Variants in POU4F3 observed in about 807,000 individuals in gnomAD.
POU4F3 encodes the protein POU domain, class 4, transcription factor 3.
POU4F3 carries 7 observed loss-of-function variants against 22.0 expected under a neutral mutation model. The ratio of observed to expected loss-of-function variants is 0.32; its 90% CI spans 0.18 to 0.60. POU4F3 has a LOEUF of 0.60. Ranked by LOEUF, POU4F3 falls within the 20% of genes least tolerant of loss-of-function variation. POU4F3 has a pLI of 0.85. For missense variants in POU4F3, 457 were observed against 467.4 expected (o/e 0.98, Z 0.21); for synonymous variants, 220 against 194.5 (o/e 1.13, Z -1.09).
chr5:146,340,458 C>T lies in POU4F3; in HGVS notation c.*14C>T. The T allele has an allele frequency of 6.2e-7, 1 of 1,613,678 alleles. No individual in the cohort carries two copies. The highest frequency in any genetic ancestry group is 1.1e-5 in the South Asian group (1 of 91,068). ...GCTGTCCACTGATTGCGGCAGGGCG[C>T]AGCGTCGGGAGCCGGGAGAGCCTAG... On this transcript the variant is annotated 3_prime_UTR_variant, in exon 2 of 2. Transcript: ENST00000646991.
rs1317925104 is a variant in POU4F3 at position 146,341,709 on chromosome 5, GC to G, written c.*1266del. 3.9e-5 allele frequency: 6 copies of G among 152,084 alleles called. No individual in the cohort carries two copies. Among genetic ancestry groups the G allele is most frequent in the Non-Finnish European group, 8.8e-5 (6 of 68,020 alleles). 9.4% of individuals were successfully genotyped at this position (152,084 alleles called of 1,614,324 possible). ...CCTTGAATTAACTTCTAAAATAAATGCTTTATTTTTCAACCCGAATCAAAGT... is the reference window on the plus strand; with the variant it reads ...CCTTGAATTAACTTCTAAAATAAATGTTTATTTTTCAACCCGAATCAAAGT... On this transcript the variant is annotated 3_prime_UTR_variant, in exon 2 of 2. Transcript: ENST00000646991.
Position 146,339,851 on chromosome 5 carries a change from G to T in POU4F3, c.424G>T (p.Ala142Ser). ...CGCTCCGGAACACTCGGTGATGCCC[G>T]CACAGATCCATCCACACCACCTGGG... is the stretch of plus-strand genomic sequence containing the variant. ...LGAPEHSVMP[A>S]QIHPHHLGAM... Residue 142 changes from alanine (A) to serine (S), a missense_variant, in exon 2 of 2, where the codon GCA becomes TCA. Around this residue, in one of 2 missense-constraint regions of POU4F3, gnomAD observed 410 missense variants for 385.0 expected, o/e 1.06. Transcript: ENST00000646991. This position sits in a 1 kb window ranked among gnomAD's most constrained non-coding sequence, Gnocchi z 4.7. 1.9e-6 allele frequency: 3 copies of T among 1,608,240 alleles called. No individual in the cohort carries two copies. Among genetic ancestry groups the T allele is most frequent in the East Asian group, 2.2e-5 (1 of 44,868 alleles).
At position 146,339,747 on chromosome 5, in the gene POU4F3, C is replaced by T; in HGVS notation, c.320C>T (p.Pro107Leu). The change falls in exon 2 of 2, where the codon CCT becomes CTT. Residue 107 changes from proline (P) to leucine (L), a missense_variant. Pro to Leu is a moderately conservative substitution (Grantham distance 98, BLOSUM62 -3). This residue lies in a region of POU4F3 where 410 missense variants were observed against 385.0 expected (regional missense o/e 1.06). Transcript: ENST00000646991. The surrounding 1 kb of genome is among the most constrained non-coding windows in gnomAD (Gnocchi z 4.7). ...CACCCAGCTGCGCTCACCTCACACC[C>T]TCACCACGCCGTGCACCAGGGCCTC... ...ISHPAALTSH[P>L]HHAVHQGLEG... 1.9e-6 allele frequency: 3 copies of T among 1,613,908 alleles called. No individual in the cohort carries two copies. Among genetic ancestry groups the T allele is most frequent in the Non-Finnish European group, 2.5e-6 (3 of 1,180,026 alleles).
Position 146,339,752 on chromosome 5 carries a change from C to A in POU4F3, c.325C>A (p.His109Asn). The A allele has an allele frequency of 6.2e-7, 1 of 1,613,798 alleles. No individual in the cohort carries two copies. Among genetic ancestry groups the A allele is most frequent in the Non-Finnish European group, 8.5e-7 (1 of 1,180,026 alleles). ...HPAALTSHPH[H>N]AVHQGLEGDL... The stretch of plus-strand genomic sequence containing the variant: ...AGCTGCGCTCACCTCACACCCTCAC[C>A]ACGCCGTGCACCAGGGCCTCGAAGG... The change falls in exon 2 of 2, where the codon CAC becomes AAC. Residue 109 changes from histidine to asparagine, a missense_variant. His to Asn is a moderately conservative substitution (Grantham distance 68, BLOSUM62 1). This residue lies in a region of POU4F3 where 410 missense variants were observed against 385.0 expected (regional missense o/e 1.06). Transcript: ENST00000646991. The surrounding 1 kb of genome is among the most constrained non-coding windows in gnomAD (Gnocchi z 4.7).
At position 146,339,365 on chromosome 5, in the gene POU4F3, G is replaced by GGC; in HGVS notation, c.120+138_120+139dup. ...CCTTGTCTCCCCCGCGTTCTCTCCCGGCGCGCTCTCTCTCTCATTCATGTC... is the reference window on the plus strand; with the variant it reads ...CCTTGTCTCCCCCGCGTTCTCTCCCGGCGCGCGCTCTCTCTCTCATTCATGTC... On this transcript the variant is annotated intron_variant, in intron 1 of 1. Transcript: ENST00000646991. This position sits in a 1 kb window ranked among gnomAD's most constrained non-coding sequence, Gnocchi z 4.7. 1 of 1,520,182 alleles carries GGC rather than the reference G, an allele frequency of 6.6e-7. No individual in the cohort carries two copies. Among genetic ancestry groups the GGC allele is most frequent in the African/African-American group, 1.4e-5 (1 of 72,942 alleles). The allele number at this position is 1,520,182 out of a possible 1,614,324, so 94.2% of individuals were successfully genotyped here. A position where few individuals can be genotyped will look rare whatever the true frequency, so the allele number is the denominator to read the frequency against.
chr5:146,340,136 T>C lies in POU4F3; in HGVS notation c.709T>C (p.Ser237Pro). 6.2e-7 allele frequency: 1 copy of C among 1,614,140 alleles called. No individual in the cohort carries two copies. The highest frequency in any genetic ancestry group is 8.5e-7 in the Non-Finnish European group (1 of 1,180,026). The change falls in exon 2 of 2, where the codon TCG becomes CCG. Residue 237 changes from serine to proline, a missense_variant. Physicochemically the swap from Ser to Pro is moderately conservative, Grantham distance 74. Transcript: ENST00000646991. ...TICRFESLTLSHNNMIALKPV... is the reference protein window; with the variant it reads ...TICRFESLTLPHNNMIALKPV... ...CTGCAGGTTCGAGTCTCTCACTCTC[T>C]CGCACAACAACATGATCGCTCTCAA...
Position 146,338,919 on chromosome 5 carries a change from G to A in POU4F3, c.-194G>A. On this transcript the variant is annotated 5_prime_UTR_variant, in exon 1 of 2. Transcript: ENST00000646991. ...CTGCGAGTCCCCGGCGCGTGAGCAC[G>A]CCTGCGCGCGCCCGGGCCCTTCCTG... The A allele has an allele frequency of 2.2e-6, 2 of 891,828 alleles. No homozygotes were observed. The highest frequency in any genetic ancestry group is 5.3e-5 in the East Asian group (2 of 37,720). 55.2% of individuals were successfully genotyped at this position (891,828 alleles called of 1,614,324 possible). A position where few individuals can be genotyped will look rare whatever the true frequency, so the allele number is the denominator to read the frequency against.
chr5:146,340,057 G>A lies in POU4F3; in HGVS notation c.630G>A (p.Ala210=), dbSNP rs776399582. Residue 210 remains alanine (A), a synonymous_variant, in exon 2 of 2, where the codon GCG becomes GCA. Transcript: ENST00000646991. The part of the protein sequence containing the change: ...KLGVTQADVG[A]ALANLKIPGV... ...GGGTGACCCAGGCGGACGTGGGCGC[G>A]GCTCTGGCTAATCTCAAGATCCCCG... 2.5e-6 allele frequency: 4 copies of A among 1,614,118 alleles called. No individual in the cohort carries two copies. Among genetic ancestry groups the A allele is most frequent in the African/African-American group, 2.7e-5 (2 of 75,046 alleles).
chr5:146,339,656 G>A lies in POU4F3; in HGVS notation c.229G>A (p.Asp77Asn). Residue 77 changes from aspartate to asparagine, a missense_variant, in exon 2 of 2, where the codon GAC (aspartate) becomes AAC (asparagine). By Grantham distance (23) the Asp-to-Asn change is conservative. Around this residue, in one of 2 missense-constraint regions of POU4F3, gnomAD observed 410 missense variants for 385.0 expected, o/e 1.06. Transcript: ENST00000646991. The surrounding 1 kb of genome is among the most constrained non-coding windows in gnomAD (Gnocchi z 4.7). ...CGGCAAGAACCATCCGTTCAAGCCCGACGCCACCTACCATACCATGAGCAG... is the reference window on the plus strand; with the variant it reads ...CGGCAAGAACCATCCGTTCAAGCCCAACGCCACCTACCATACCATGAGCAG... ...SHGKNHPFKP[D>N]ATYHTMSSVP... is the part of the protein sequence containing the mutation. 3 of 1,614,174 alleles carry A rather than the reference G, an allele frequency of 1.9e-6. No homozygotes were observed. The highest frequency in any genetic ancestry group is 2.5e-6 in the Non-Finnish European group (3 of 1,180,028).
rs1581277399 is a variant in POU4F3 at position 146,338,842 on chromosome 5, C to G, written c.-271C>G. 1.6e-6 allele frequency: 1 copy of G among 612,692 alleles called. No homozygotes were observed. The highest frequency in any genetic ancestry group is 2.7e-5 in the East Asian group (1 of 36,386). The allele number at this position is 612,692 out of a possible 1,614,324, so 38.0% of individuals were successfully genotyped here. ...CTGTGGAGGGGGCGGCCGCCGCGGG[C>G]GCAGAAAGGCGCGCCGCTAGCTGCT... On this transcript the variant is annotated 5_prime_UTR_variant, in exon 1 of 2. Coordinates refer to ENST00000646991, the MANE Select transcript of POU4F3 (RefSeq NM_002700.3).
rs149975083 is a variant in POU4F3 at position 146,340,219 on chromosome 5, C to T, written c.792C>T (p.Ser264=). 2.4e-4 allele frequency: 382 copies of T among 1,614,232 alleles called. 3 individuals are homozygous for T. The East Asian group carries it at 7.5e-3, about 32-fold the overall frequency. Residue 264 remains serine (S), a synonymous_variant, in exon 2 of 2, where the codon AGC becomes AGT. Coordinates refer to ENST00000646991, the MANE Select transcript of POU4F3 (RefSeq NM_002700.3). ...EAEAAYREKN[S]KPELFNGSER... ...AGGCCGCCTACCGAGAGAAGAACAGCAAGCCAGAGCTCTTCAACGGCAGCG... is the reference window on the plus strand; with the variant it reads ...AGGCCGCCTACCGAGAGAAGAACAGTAAGCCAGAGCTCTTCAACGGCAGCG...
chr5:146,341,018 T>C lies in POU4F3; in HGVS notation c.*574T>C, dbSNP rs1429815836. ...TTATCCTTTGGTTTGGCGTAAATTC[T>C]CATAAGGTAGCATGAAGATTAGGTT... On this transcript the variant is annotated 3_prime_UTR_variant, in exon 2 of 2. Transcript: ENST00000646991. The C allele has an allele frequency of 6.3e-6, 1 of 158,614 alleles. No individual in the cohort carries two copies. The highest frequency in any genetic ancestry group is 1.4e-5 in the Non-Finnish European group (1 of 71,830). The allele number at this position is 158,614 out of a possible 1,614,324, so 9.8% of individuals were successfully genotyped here. A position where few individuals can be genotyped will look rare whatever the true frequency, so the allele number is the denominator to read the frequency against.
chr5:146,340,518 G>A lies in POU4F3; in HGVS notation c.*74G>A. The A allele has an allele frequency of 6.3e-7, 1 of 1,588,754 alleles. No homozygotes were observed. Among genetic ancestry groups the A allele is most frequent in the Non-Finnish European group, 8.6e-7 (1 of 1,164,702 alleles). On this transcript the variant is annotated 3_prime_UTR_variant, in exon 2 of 2. Coordinates refer to ENST00000646991, the MANE Select transcript of POU4F3 (RefSeq NM_002700.3). ...CTCCCGGGTTCGGGGGATGGTTATC[G>A]GGAACTCCAAGGCGTTTCCTAGGCA... is the stretch of plus-strand genomic sequence containing the variant.
Position 146,339,803 on chromosome 5 carries a change from A to G in POU4F3, c.376A>G (p.Thr126Ala). ...CGACCTGCTGGAGCACATCTCGCCC[A>G]CGCTGAGTGTGAGCGGCCTGGGCGC... ...EGDLLEHISP[T>A]LSVSGLGAPE... The change falls in exon 2 of 2, where the codon ACG becomes GCG. Residue 126 changes from threonine to alanine, a missense_variant. By Grantham distance (58) the Thr-to-Ala change is moderately conservative. Around this residue, in one of 2 missense-constraint regions of POU4F3, gnomAD observed 410 missense variants for 385.0 expected, o/e 1.06. Coordinates refer to ENST00000646991, the MANE Select transcript of POU4F3 (RefSeq NM_002700.3). The surrounding 1 kb of genome is among the most constrained non-coding windows in gnomAD (Gnocchi z 4.7). The G allele has an allele frequency of 6.2e-7, 1 of 1,611,246 alleles. No homozygotes were observed. Among genetic ancestry groups the G allele is most frequent in the Non-Finnish European group, 8.5e-7 (1 of 1,179,894 alleles).
Position 146,340,117 on chromosome 5 carries a change from G to T in POU4F3, c.690G>T (p.Arg230Ser), listed in dbSNP as rs781045522. The T allele has an allele frequency of 1.9e-6, 3 of 1,614,176 alleles. No homozygotes were observed. Among genetic ancestry groups the T allele is most frequent in the Non-Finnish European group, 2.5e-6 (3 of 1,180,036 alleles). Residue 230 changes from arginine (R) to serine (S), a missense_variant, in exon 2 of 2, where the codon AGG (arginine) becomes AGT (serine). Transcript: ENST00000646991. ...CGCTGAGCCAAAGCACCATCTGCAGGTTCGAGTCTCTCACTCTCTCGCACA... is the reference window on the plus strand; with the variant it reads ...CGCTGAGCCAAAGCACCATCTGCAGTTTCGAGTCTCTCACTCTCTCGCACA... ...VGSLSQSTICRFESLTLSHNN... is the reference protein window; with the variant it reads ...VGSLSQSTICSFESLTLSHNN...
Position 146,339,734 on chromosome 5 carries a change from C to G in POU4F3, c.307C>G (p.Leu103Val). ...STVPISHPAA[L>V]TSHPHHAVHQ... The stretch of plus-strand genomic sequence containing the variant: ...CGTGCCCATCTCCCACCCAGCTGCG[C>G]TCACCTCACACCCTCACCACGCCGT... Residue 103 changes from leucine to valine, a missense_variant, in exon 2 of 2, where the codon CTC becomes GTC. Physicochemically the swap from Leu to Val is conservative, Grantham distance 32. Coordinates refer to ENST00000646991, the MANE Select transcript of POU4F3 (RefSeq NM_002700.3). This position sits in a 1 kb window ranked among gnomAD's most constrained non-coding sequence, Gnocchi z 4.7. The G allele has an allele frequency of 1.9e-6, 3 of 1,614,074 alleles. No individual in the cohort carries two copies. The highest frequency in any genetic ancestry group is 2.5e-6 in the Non-Finnish European group (3 of 1,180,038).
rs750662658 is a variant in POU4F3, at chr5:146,339,827, G to A, written c.400G>A (p.Ala134Thr). 6.8e-6 allele frequency: 11 copies of A among 1,609,010 alleles called. No individual in the cohort carries two copies. In the African/African-American group the frequency reaches 1.2e-4, roughly 18 times the overall value. ...SPTLSVSGLG[A>T]PEHSVMPAQI... ...CACGCTGAGTGTGAGCGGCCTGGGC[G>A]CTCCGGAACACTCGGTGATGCCCGC... Residue 134 changes from alanine (A) to threonine (T), a missense_variant, in exon 2 of 2, where the codon GCT (alanine) becomes ACT (threonine). This residue lies in a region of POU4F3 where 410 missense variants were observed against 385.0 expected (regional missense o/e 1.06). Coordinates refer to ENST00000646991, the MANE Select transcript of POU4F3 (RefSeq NM_002700.3). This position sits in a 1 kb window ranked among gnomAD's most constrained non-coding sequence, Gnocchi z 4.7.
At position 146,341,604 on chromosome 5, in the gene POU4F3, T is replaced by C. The variant is rs1424778314; in HGVS notation, c.*1160T>C. 6.6e-6 allele frequency: 1 copy of C among 152,210 alleles called. No individual in the cohort carries two copies. The highest frequency in any genetic ancestry group is 1.9e-4 in the East Asian group (1 of 5,204). 9.4% of individuals were successfully genotyped at this position (152,210 alleles called of 1,614,324 possible). A position where few individuals can be genotyped will look rare whatever the true frequency, so the allele number is the denominator to read the frequency against. On this transcript the variant is annotated 3_prime_UTR_variant, in exon 2 of 2. Coordinates refer to ENST00000646991, the MANE Select transcript of POU4F3 (RefSeq NM_002700.3). The stretch of plus-strand genomic sequence containing the variant: ...TTTATTTTTTCGTTGTTTCATGTAG[T>C]TTGTGTGTTGCTGTGTGACCTTTGG...
In POU4F3 at chr5:146,339,095, C is replaced by A; in HGVS notation, c.-18C>A. On this transcript the variant is annotated 5_prime_UTR_variant, in exon 1 of 2. Transcript: ENST00000646991. The surrounding 1 kb of genome is among the most constrained non-coding windows in gnomAD (Gnocchi z 4.7). ...CTGATTCCATGTCACCCGCTGCCAC[C>A]CTGCCAGGAGCGCGAAGATGATGGC... The A allele has an allele frequency of 6.2e-7, 1 of 1,613,790 alleles. No homozygotes were observed. Among genetic ancestry groups the A allele is most frequent in the Non-Finnish European group, 8.5e-7 (1 of 1,179,886 alleles).
Sources: allele counts gnomAD v4.1 joint callset, GRCh38; gene constraint gnomAD v4.1.1; regional missense constraint gnomAD v4.1.1; non-coding constraint Gnocchi (gnomAD v3.1); transcripts MANE v1.5; gene names NCBI Gene and HGNC (gene_info 2026-07-23, HGNC 2026-07-21).